RPTOR: variants seen among roughly 807,000 people sequenced by gnomAD.
RPTOR encodes regulatory associated protein of MTOR complex 1, also known as regulatory-associated protein of mTOR.
A neutral mutation model predicts 169.9 loss-of-function variants in RPTOR; 21 were observed. The observed-to-expected ratio is 0.12, with a 90% CI of 0.09 to 0.18. The LOEUF is 0.18. RPTOR is among the 10% of genes least tolerant of loss of function. The pLI is 1.00. For synonymous variants in RPTOR, 732 were observed against 753.2 expected (o/e 0.97, Z 0.46); for missense variants, 1,133 against 1,855.9 (o/e 0.61, Z 7.16).
intron 2 of RPTOR, among the ~76,000 whole-genome samples, chr17:80,635,518 T>G (rs1445922694): frequency 6.6e-6 from 1 of 152,188 alleles, no homozygotes; most frequent in African/African-American, 2.4e-5. Context: ...GGGTACCATT[T>G]CGCACATGGT....
In RPTOR at chr17:80,722,576, A is replaced by G. The variant is rs1298724442; in HGVS notation, c.508-7984A>G. On this transcript the variant is annotated intron_variant, in intron 4 of 33. Transcript: ENST00000306801. ...AGGTGGGGCAGGAATGGAAGAGACC[A>G]TGGGATGCAGCATGTGAAGAGGTGA... 2.0e-5 allele frequency among the ~76,000 whole-genome samples: 3 copies of G among 151,100 alleles called. No homozygotes were observed. The East Asian group carries it at 5.8e-4, about 29-fold the overall frequency.
chr17:80,821,663 G>A (rs1226404805), intron 7 of RPTOR, among the ~76,000 whole-genome samples: 1 of 152,174 alleles, frequency 6.6e-6, no homozygotes, highest in Non-Finnish European at 1.5e-5. Context: ...CCTGTTACCT[G>A]TCCTTCCCCC....
chr17:80,778,981 G>T (rs2066915120), intron 6 of RPTOR, among the ~76,000 whole-genome samples: 1 of 152,216 alleles, frequency 6.6e-6, no homozygotes, highest in Admixed American at 6.5e-5. Context: ...GACATCGCCA[G>T]GTGTTTGGAC....
At chr17:80,931,563 T>TC (rs1196259230) in intron 24 of RPTOR, among the ~76,000 whole-genome samples, 1 of 152,038 alleles carries the variant, frequency 6.6e-6, no homozygotes, top group Non-Finnish European at 1.5e-5. Context: ...CCTGTGCTGC[T>TC]CCCCACAGAA....
At chr17:80,863,859 G>A (rs2067949403) in intron 13 of RPTOR, among the ~76,000 whole-genome samples, 2 of 152,196 alleles carry the variant, frequency 1.3e-5, no homozygotes, top group Admixed American at 1.3e-4. Flanking sequence ...GGTCGAGGCT[G>A]CAAAGAGCCG....
intron 6 of RPTOR, among the ~76,000 whole-genome samples, chr17:80,778,976 C>T (rs190653809): frequency 1.2e-3 from 188 of 152,294 alleles, no homozygotes; most frequent in East Asian, 6.6e-3. Flanking sequence ...GACTGGACAT[C>T]GCCAGGTGTT....
Position 80,675,647 on chromosome 17 carries a change from C to T in RPTOR, c.348+31837C>T, listed in dbSNP as rs146073130. ...GCAACGCCCCACTCCAGTTCATGGG[C>T]TCAGGCCCGCGGAACCCGGCTGCTC... On this transcript the variant is annotated intron_variant, in intron 3 of 33. Transcript: ENST00000306801. Among the ~76,000 whole-genome samples the T allele has an allele frequency of 2.0e-5, 3 of 152,358 alleles. No homozygotes were observed. The East Asian group carries it at 5.8e-4, about 29-fold the overall frequency.
intron 3 of RPTOR, among the ~76,000 whole-genome samples, chr17:80,658,810 A>C (rs180673191): frequency 2.3e-4 from 35 of 152,170 alleles, no homozygotes; most frequent in Non-Finnish European, 4.4e-4. Context: ...TCTTGATTCC[A>C]TTGTATTTTT....
chr17:80,741,720 T>G (rs1236034273), intron 5 of RPTOR, among the ~76,000 whole-genome samples: 2 of 152,094 alleles, frequency 1.3e-5, no homozygotes, highest in African/African-American at 4.8e-5. Flanking sequence ...TGAGAATGCA[T>G]CAGAAGGTGG....
chr17:80,904,094 G>A (rs947696606), intron 20 of RPTOR, among the ~76,000 whole-genome samples: 5 of 152,226 alleles, frequency 3.3e-5, no homozygotes, highest in Non-Finnish European at 4.4e-5. Context: ...GGGAGGTGCT[G>A]CGTCTTCCCT....
chr17:80,836,233 G>C (rs1408964580), intron 9 of RPTOR, among the ~76,000 whole-genome samples: 1 of 152,256 alleles, frequency 6.6e-6, no homozygotes, highest in East Asian at 1.9e-4. Context: ...GCAGAGCCCA[G>C]GCTCATGGCT....
intron 10 of RPTOR, among the ~76,000 whole-genome samples, chr17:80,841,976 C>T (rs546154359): frequency 2.0e-5 from 3 of 150,628 alleles, no homozygotes; most frequent in East Asian, 3.9e-4. Context: ...TCACTCTCAC[C>T]GCACCGCAGC....
chr17:80,588,677 A>T (rs892347896), intron 1 of RPTOR, among the ~76,000 whole-genome samples: 2 of 152,074 alleles, frequency 1.3e-5, no homozygotes, highest in African/African-American at 4.8e-5. Context: ...ACACCTTTTC[A>T]TACTCTTACT....
intron 7 of RPTOR, among the ~76,000 whole-genome samples, chr17:80,796,899 A>G (rs1348364904): frequency 6.6e-6 from 1 of 152,212 alleles, no homozygotes; most frequent in Non-Finnish European, 1.5e-5. Context: ...ACAAATTCCA[A>G]ACTTTAGAAT....
At chr17:80,790,583 G>A (rs540369268) in intron 6 of RPTOR, among the ~76,000 whole-genome samples, 8 of 152,188 alleles carry the variant, frequency 5.3e-5, no homozygotes, top group East Asian at 1.9e-4. Flanking sequence ...CGTCTCCCCC[G>A]AACGTGCCTG....
At chr17:80,848,655 A>C (rs368340754) in intron 11 of RPTOR, among the ~76,000 whole-genome samples, 1 of 152,380 alleles carries the variant, frequency 6.6e-6, no homozygotes, top group South Asian at 2.1e-4. Flanking sequence ...CATCTGGGTT[A>C]CCAGGATGTC....
intron 6 of RPTOR, among the ~76,000 whole-genome samples, chr17:80,763,142 A>C (rs552408025): frequency 3.8e-4 from 58 of 152,078 alleles, no homozygotes; most frequent in Non-Finnish European, 7.5e-4. Context: ...GTTCCTCGGG[A>C]GGCTGAGGCA....
intron 3 of RPTOR, among the ~76,000 whole-genome samples, chr17:80,686,613 G>C (rs1214233414): frequency 6.6e-6 from 1 of 152,126 alleles, no homozygotes; most frequent in Admixed American, 6.6e-5. Context: ...GCATAATTCA[G>C]AGTTCTCGGC....
chr17:80,817,783 G>A lies in RPTOR; in HGVS notation c.891-4418G>A, dbSNP rs554514905. 3.9e-5 allele frequency among the ~76,000 whole-genome samples: 6 copies of A among 152,294 alleles called. No homozygotes were observed. In the South Asian group the frequency reaches 1.0e-3, roughly 26 times the overall value. ...AGTTCCCAGCAGAGGGTGGTGGTGG[G>A]GACAGCCAGGGGTGTCAGGGAAGAA... On this transcript the variant is annotated intron_variant, in intron 7 of 33. Coordinates refer to ENST00000306801, the MANE Select transcript of RPTOR (RefSeq NM_020761.3).
Sources: gnomAD v4.1 joint callset for allele counts (sites outside exome capture counted in the v4.1 genomes callset) on GRCh38, gnomAD v4.1.1 for gene constraint, MANE v1.5 for transcripts, NCBI Gene and HGNC (gene_info 2026-07-23, HGNC 2026-07-21) for gene names.